The following ABCB5 variants were observed in gnomAD, a reference collection of about 807,000 sequenced individuals.
The protein encoded by ABCB5 is ATP binding cassette subfamily B member 5, also known as ATP-binding cassette sub-family B member 5.
ABCB5 carries 155 observed loss-of-function variants against 144.2 expected under a neutral mutation model. That is an observed-to-expected ratio of 1.08 (90% CI 0.94 to 1.23). The LOEUF (loss-of-function observed/expected upper bound fraction) is 1.23, where lower values mean the gene tolerates loss of function less well. Ranked by LOEUF, ABCB5 falls within the 50% of genes most tolerant of loss-of-function variation. The probability of loss-of-function intolerance (pLI) is 0.00; values close to 1 mark genes in which losing one functional copy is unlikely to be tolerated. For missense variants in ABCB5, 1,830 were observed against 1,520.8 expected (o/e 1.20, Z -3.38); for synonymous variants, 610 against 528.6 (o/e 1.15, Z -2.11).
At chr7:20,638,621 T>C (rs1005950173) in intron 5 of ABCB5, among the ~76,000 whole-genome samples, 7 of 152,342 alleles carry the variant, frequency 4.6e-5, no homozygotes, top group African/African-American at 1.4e-4. Flanking sequence ...TGTAAGGTTC[T>C]TGTACCTGGC....
intron 23 of ABCB5, among the ~76,000 whole-genome samples, chr7:20,736,819 G>C (rs1782392186): frequency 6.6e-6 from 1 of 152,084 alleles, no homozygotes; most frequent in African/African-American, 2.4e-5. Context: ...AAATTCTGTA[G>C]CAGACCAGTT....
intron 14 of ABCB5, chr7:20,659,582 T>C (rs1269734662): frequency 1.0e-6 from 1 of 994,964 alleles, no homozygotes; most frequent in Non-Finnish European, 1.2e-6. Flanking sequence ...CAATGCCACA[T>C]GTTGCTTGTG....
intron 17 of ABCB5, 25 bp from the exon 18 acceptor site, chr7:20,699,800 C>T: frequency 6.8e-7 from 1 of 1,477,788 alleles, no homozygotes; most frequent in Non-Finnish European, 9.3e-7. Flanking sequence ...CCCCAAACAC[C>T]TGATAAAAAT....
rs1263804295 is a variant in ABCB5, at chr7:20,646,038, T to A, written c.881T>A (p.Val294Glu). The A allele has an allele frequency of 6.2e-7, 1 of 1,613,868 alleles. No individual in the cohort carries two copies. Among genetic ancestry groups the A allele is most frequent in the Non-Finnish European group, 8.5e-7 (1 of 1,179,806 alleles). Residue 294 changes from valine (V) to glutamate (E), a missense_variant, in exon 9 of 28, where the codon GTG (valine) becomes GAG (glutamate). Physicochemically the swap from Val to Glu is moderately radical, Grantham distance 121 (BLOSUM62 -2). Coordinates refer to ENST00000404938, the MANE Select transcript of ABCB5 (RefSeq NM_001163941.2). ...GCTTCAAAAGTGTCTCTTGGTGCTG[T>A]GTACTTCTTTATGAATGGAACCTAT... is the stretch of plus-strand genomic sequence containing the variant. ...TIASKVSLGA[V>E]YFFMNGTYGL...
chr7:20,620,645 C>G (rs1783788675), intron 1 of ABCB5, among the ~76,000 whole-genome samples: 2 of 151,990 alleles, frequency 1.3e-5, no homozygotes, highest in South Asian at 2.1e-4. Flanking sequence ...ATGAGATACT[C>G]AACATCACTA....
At chr7:20,692,022 A>G (rs1786247091) in intron 16 of ABCB5, among the ~76,000 whole-genome samples, 1 of 152,186 alleles carries the variant, frequency 6.6e-6, no homozygotes, top group East Asian at 1.9e-4. Context: ...AGCATTTATT[A>G]TATCTATATT....
At chr7:20,668,693 C>A (rs1374866610) in intron 14 of ABCB5, among the ~76,000 whole-genome samples, 19 of 143,768 alleles carry the variant, frequency 1.3e-4, no homozygotes, top group Non-Finnish European at 2.4e-4. Context: ...CCCCTCTGCC[C>A]GGCCAGTCGC....
At chr7:20,625,146 T>A (rs886147588) in intron 2 of ABCB5, among the ~76,000 whole-genome samples, 6 of 152,172 alleles carry the variant, frequency 3.9e-5, no homozygotes, top group Non-Finnish European at 7.3e-5. Context: ...GGTTTTGCAA[T>A]GGTAAAGCAT....
At chr7:20,715,939 C>T (rs117576634) in intron 20 of ABCB5, among the ~76,000 whole-genome samples, 4,227 of 151,750 alleles carry the variant, frequency 0.028, 77 homozygotes, top group South Asian at 0.056. Context: ...AGGCTGGTAT[C>T]GAACTCCTGA....
intron 14 of ABCB5, among the ~76,000 whole-genome samples, chr7:20,664,317 G>T (rs1785102211): frequency 6.6e-6 from 1 of 152,062 alleles, no homozygotes; most frequent in South Asian, 2.1e-4. Flanking sequence ...GCTCTCATGT[G>T]GGTTAAAACC....
In ABCB5 at chr7:20,626,622, T is replaced by C; in HGVS notation, c.108+11T>C. On this transcript the variant is annotated intron_variant, in intron 3 of 27. Coordinates refer to ENST00000404938, the MANE Select transcript of ABCB5 (RefSeq NM_001163941.2). The stretch of plus-strand genomic sequence containing the variant: ...GGATCTATTGAGATAGTAAGTGAAA[T>C]CAGTTAGAAAGTACATGCATTAGAA... 6.3e-7 allele frequency: 1 copy of C among 1,598,478 alleles called. No individual in the cohort carries two copies. The highest frequency in any genetic ancestry group is 1.1e-5 in the South Asian group (1 of 88,026).
intron 5 of ABCB5, among the ~76,000 whole-genome samples, chr7:20,632,561 C>T (rs915700921): frequency 5.3e-5 from 8 of 152,044 alleles, no homozygotes; most frequent in African/African-American, 1.9e-4. Context: ...CACATGCACA[C>T]GTATGTTTAT....
chr7:20,665,774 T>TAGATAG (rs1225849000), intron 14 of ABCB5, among the ~76,000 whole-genome samples: 8 of 135,380 alleles, frequency 5.9e-5, no homozygotes, highest in African/African-American at 2.4e-4. Flanking sequence ...TAGAGATACA[T>TAGATAG]ACATACATAC....
At chr7:20,623,397 T>C (rs1562525691) in intron 2 of ABCB5, 59 bp downstream of exon 2, 1 of 1,317,290 alleles carries the variant, frequency 7.6e-7, no homozygotes, top group Non-Finnish European at 1.1e-6. Context: ...AACTCATCCT[T>C]TCCACACCTA....
chr7:20,745,115 A>T (rs1583466569), intron 25 of ABCB5, 117 bp from the exon 26 acceptor site: 1 of 1,110,902 alleles, frequency 9.0e-7, no homozygotes, highest in East Asian at 2.5e-5. Context: ...TTATACTTTG[A>T]AATAGCTTGA....
At chr7:20,664,021 A>T (rs1262880636) in intron 14 of ABCB5, among the ~76,000 whole-genome samples, 1 of 147,278 alleles carries the variant, frequency 6.8e-6, no homozygotes. Flanking sequence ...CAGTCAGGCA[A>T]TTTTTTTTTT....
rs755813441 is a variant in ABCB5 at position 20,700,144 on chromosome 7, T to G, written c.2337+9T>G. The stretch of plus-strand genomic sequence containing the variant: ...AAGCCATGTTATATCAGGTCAGTGA[T>G]AAGTTGATTTTTTTTTTATTTTATT... On this transcript the variant is annotated intron_variant, in intron 19 of 27. Coordinates refer to ENST00000404938, the MANE Select transcript of ABCB5 (RefSeq NM_001163941.2). 6.6e-7 allele frequency: 1 copy of G among 1,515,012 alleles called. No homozygotes were observed. Among genetic ancestry groups the G allele is most frequent in the Non-Finnish European group, 8.8e-7 (1 of 1,140,522 alleles). The allele number at this position is 1,515,012 out of a possible 1,614,324, so 93.8% of individuals were successfully genotyped here.
intron 26 of ABCB5, among the ~76,000 whole-genome samples, chr7:20,749,425 A>G (rs1782847458): frequency 8.9e-6 from 1 of 112,828 alleles, no homozygotes; most frequent in African/African-American, 3.6e-5. Flanking sequence ...TTTTGCAAAG[A>G]TGGGGTTTCA....
chr7:20,753,662 G>T (rs1022116520), intron 27 of ABCB5, among the ~76,000 whole-genome samples, 156 bp downstream of exon 27: 3 of 152,160 alleles, frequency 2.0e-5, no homozygotes, highest in African/African-American at 7.2e-5. Context: ...TTTACAAAAA[G>T]GTCAGTAGGT....
Sources: allele counts gnomAD v4.1 joint callset (sites outside exome capture counted in the v4.1 genomes callset), GRCh38; gene constraint gnomAD v4.1.1; transcripts MANE v1.5; gene names NCBI Gene and HGNC (gene_info 2026-07-23, HGNC 2026-07-21).